Variants in CD80 observed in about 807,000 individuals in gnomAD.
CD80 encodes T-lymphocyte activation antigen CD80.
CD80 carries 13 observed loss-of-function variants against 27.1 expected under a neutral mutation model. The ratio of observed to expected loss-of-function variants is 0.48; its 90% CI spans 0.31 to 0.76. CD80 has a LOEUF of 0.76. CD80 is among the 30% of genes least tolerant of loss of function. CD80 has a pLI of 0.04. For synonymous variants in CD80, 125 were observed against 125.5 expected (o/e 1.00, Z 0.03); for missense variants, 277 against 347.9 (o/e 0.80, Z 1.62).
At chr3:119,526,448 G>A (rs1289643550) in intron 6 of CD80, among the ~76,000 whole-genome samples, 3 of 152,334 alleles carry the variant, frequency 2.0e-5, no homozygotes, top group South Asian at 2.1e-4. Context: ...ATTCTGAGGA[G>A]TGAGCAAGCA....
intron 3 of CD80, among the ~76,000 whole-genome samples, chr3:119,539,772 T>G (rs2082157661): frequency 6.6e-6 from 1 of 152,246 alleles, no homozygotes; most frequent in African/African-American, 2.4e-5. Flanking sequence ...TTCAGAATTC[T>G]GAGCCCCACA....
chr3:119,542,299 C>T (rs904258321), intron 3 of CD80, among the ~76,000 whole-genome samples: 1 of 151,944 alleles, frequency 6.6e-6, no homozygotes, highest in African/African-American at 2.4e-5. Flanking sequence ...GTAACTTTGG[C>T]TTACTCCCCA....
At chr3:119,526,064 T>C (rs1011361354) in intron 6 of CD80, among the ~76,000 whole-genome samples, 2 of 152,088 alleles carry the variant, frequency 1.3e-5, no homozygotes, top group African/African-American at 4.8e-5. Context: ...TTTTGTCACA[T>C]GAAATATCGA....
intron 3 of CD80, among the ~76,000 whole-genome samples, chr3:119,543,049 A>G (rs1009064061): frequency 1.3e-5 from 2 of 152,102 alleles, no homozygotes; most frequent in Non-Finnish European, 2.9e-5. Flanking sequence ...ATCCCTGACC[A>G]ATCAGCACTC....
intron 3 of CD80, 91 bp from the exon 4 acceptor site, chr3:119,537,509 G>C: frequency 1.0e-6 from 1 of 964,482 alleles, no homozygotes; most frequent in Non-Finnish European, 1.5e-6. Flanking sequence ...GCTTTAATAA[G>C]AATTGATAAA....
At chr3:119,556,620 G>GCAGTCAAGTAATCTGTGGGC (rs1396399180) in intron 2 of CD80, among the ~76,000 whole-genome samples, 1 of 152,076 alleles carries the variant, frequency 6.6e-6, no homozygotes, top group African/African-American at 2.4e-5. Flanking sequence ...GACCACCATC[G>GCAGTCAAGTAATCTGTGGGC]CAGTCAAGTA....
At chr3:119,541,570 T>C (rs1225378907) in intron 3 of CD80, among the ~76,000 whole-genome samples, 1 of 152,214 alleles carries the variant, frequency 6.6e-6, no homozygotes, top group Non-Finnish European at 1.5e-5. Context: ...GCTTCTCAAA[T>C]TGTGGTCCTC....
At chr3:119,536,053 C>T (rs13078097) in intron 4 of CD80, among the ~76,000 whole-genome samples, 11,881 of 151,892 alleles carry the variant, frequency 0.078, 617 homozygotes, top group Non-Finnish European at 0.11. Context: ...AGTTCGAGAC[C>T]AGCCTGACCA....
intron 4 of CD80, among the ~76,000 whole-genome samples, chr3:119,534,898 A>G (rs1035724692): frequency 1.3e-5 from 2 of 152,216 alleles, no homozygotes; most frequent in African/African-American, 4.8e-5. Flanking sequence ...AGGAAAATAA[A>G]GAATCTGCTG....
rs2082075085 is a variant in CD80, at chr3:119,527,750, C to T, written c.*21G>A. The T allele has an allele frequency of 1.2e-6, 2 of 1,603,508 alleles. No homozygotes were observed. The highest frequency in any genetic ancestry group is 2.2e-5 in the South Asian group (2 of 90,788). On this transcript the variant is annotated 3_prime_UTR_variant, in exon 6 of 7. Transcript: ENST00000264246. ...GAGGCTACCTTCAGATCTTTTCAGC[C>T]CCTTGCTTCTGCGGACACTGTTATA...
chr3:119,551,509 G>A (rs886274374), intron 2 of CD80, among the ~76,000 whole-genome samples: 22 of 152,070 alleles, frequency 1.4e-4, no homozygotes, highest in Non-Finnish European at 2.4e-4. Flanking sequence ...TGCCTTGGGC[G>A]TGCTCTCCTG....
chr3:119,536,143 C>T (rs1380952190), intron 4 of CD80, among the ~76,000 whole-genome samples: 2 of 151,442 alleles, frequency 1.3e-5, no homozygotes, highest in Non-Finnish European at 2.9e-5. Flanking sequence ...CCCAGCTATT[C>T]GGGAGGCTGA....
At position 119,537,120 on chromosome 3, in the gene CD80, A is replaced by G. The variant is rs1226771302; in HGVS notation, c.700+17T>C. On this transcript the variant is annotated intron_variant, in intron 4 of 6. Transcript: ENST00000264246. The stretch of plus-strand genomic sequence containing the variant: ...AGATTCGATATAGTAGAAACTCCCC[A>G]GAACAATGTCACTTACTTGTATTCC... 1 of 1,605,558 alleles carries G rather than the reference A, an allele frequency of 6.2e-7. No homozygotes were observed. Among genetic ancestry groups the G allele is most frequent in the Non-Finnish European group, 8.5e-7 (1 of 1,173,080 alleles).
At chr3:119,550,333 A>G (rs920183398) in intron 2 of CD80, among the ~76,000 whole-genome samples, 3 of 152,248 alleles carry the variant, frequency 2.0e-5, no homozygotes, top group African/African-American at 4.8e-5. Flanking sequence ...CAAAAGTGAA[A>G]GCATAGCTGA....
At chr3:119,540,520 C>T (rs1195263537) in intron 3 of CD80, among the ~76,000 whole-genome samples, 1 of 152,100 alleles carries the variant, frequency 6.6e-6, no homozygotes, top group African/African-American at 2.4e-5. Flanking sequence ...TTTTAGTTGG[C>T]ATTGTTATTT....
chr3:119,549,451 C>A (rs1260990873), intron 2 of CD80, among the ~76,000 whole-genome samples: 1 of 152,222 alleles, frequency 6.6e-6, no homozygotes, highest in Non-Finnish European at 1.5e-5. Context: ...CCCTCTAAGG[C>A]CCCAGCGCCC....
chr3:119,535,903 A>T (rs1429055866), intron 4 of CD80, among the ~76,000 whole-genome samples: 1 of 152,222 alleles, frequency 6.6e-6, no homozygotes, highest in African/African-American at 2.4e-5. Flanking sequence ...ACTTTTTAAG[A>T]TGAATGCTTG....
Position 119,549,635 on chromosome 3 carries a change from T to G in CD80, c.101-4768A>C, listed in dbSNP as rs115959778. On this transcript the variant is annotated intron_variant, in intron 2 of 6. Transcript: ENST00000264246. ...ATCTCACCAGCCATTCTCAGGCCTC[T>G]GTCAGACTGGATACGGCCCCACCAC... Among the ~76,000 whole-genome samples the G allele has an allele frequency of 6.0e-3, 921 of 152,302 alleles. 5 individuals are homozygous for G. The highest frequency in any genetic ancestry group is 0.021 in the African/African-American group (880 of 41,572).
intron 4 of CD80, among the ~76,000 whole-genome samples, chr3:119,536,108 G>A (rs1171526764): frequency 1.3e-5 from 2 of 151,874 alleles, no homozygotes; most frequent in African/African-American, 2.4e-5. Flanking sequence ...AAAATTAGCC[G>A]AGGGTGGTGG....
Sources: allele counts gnomAD v4.1 joint callset (sites outside exome capture counted in the v4.1 genomes callset), GRCh38; gene constraint gnomAD v4.1.1; transcripts MANE v1.5; gene names NCBI Gene and HGNC (gene_info 2026-07-23, HGNC 2026-07-21).